Variants in SPPL3 observed in about 807,000 individuals in gnomAD.
The protein encoded by SPPL3 is signal peptide peptidase like 3.
Under a neutral mutation model 42.4 loss-of-function variants are expected in SPPL3, and 5 were observed. The observed-to-expected ratio is 0.12, with a 90% CI of 0.06 to 0.25. The LOEUF (loss-of-function observed/expected upper bound fraction) is 0.25. Among genes scored for constraint, SPPL3 ranks in the 10% least tolerant of loss-of-function variants. The probability of loss-of-function intolerance (pLI) is 1.00; values close to 1 mark genes in which losing one functional copy is unlikely to be tolerated. For missense variants in SPPL3, 235 were observed against 489.0 expected (o/e 0.48, Z 4.90); for synonymous variants, 195 against 181.8 (o/e 1.07, Z -0.58).
chr12:120,779,581 C>T (rs928428295), intron 6 of SPPL3, among the ~76,000 whole-genome samples: 1 of 152,172 alleles, frequency 6.6e-6, no homozygotes, highest in East Asian at 1.9e-4. Flanking sequence ...TGATAGTTCA[C>T]AACCCCTTTT....
At chr12:120,827,353 A>T (rs1566053337) in intron 1 of SPPL3, among the ~76,000 whole-genome samples, 1 of 144,638 alleles carries the variant, frequency 6.9e-6, no homozygotes, top group Admixed American at 6.9e-5. Flanking sequence ...TAATAATAAT[A>T]ATATAATAAT....
chr12:120,851,338 T>A (rs569439229), intron 1 of SPPL3, among the ~76,000 whole-genome samples: 15 of 152,268 alleles, frequency 9.9e-5, no homozygotes, highest in South Asian at 4.1e-4. Flanking sequence ...AGTTTTTTTT[T>A]AAAATCATAC....
intron 1 of SPPL3, among the ~76,000 whole-genome samples, chr12:120,827,099 CAG>C: frequency 6.6e-6 from 1 of 151,866 alleles, no homozygotes; most frequent in South Asian, 2.1e-4. Flanking sequence ...GTTTAAATCA[CAG>C]TATTTTGAAA....
At chr12:120,860,577 A>T (rs778755351) in intron 1 of SPPL3, among the ~76,000 whole-genome samples, 2 of 152,190 alleles carry the variant, frequency 1.3e-5, no homozygotes, top group Non-Finnish European at 2.9e-5. Flanking sequence ...GTAATTTTCC[A>T]TCTGTTGACT....
chr12:120,797,560 T>TATC (rs1247187040), intron 2 of SPPL3, among the ~76,000 whole-genome samples: 1 of 152,198 alleles, frequency 6.6e-6, no homozygotes, highest in Middle Eastern at 3.2e-3. Context: ...TCTGTTTCTC[T>TATC]ATCTTGGCTG....
intron 1 of SPPL3, among the ~76,000 whole-genome samples, chr12:120,891,512 A>C (rs1873639176): frequency 6.6e-6 from 1 of 152,204 alleles, no homozygotes; most frequent in Non-Finnish European, 1.5e-5. Flanking sequence ...AAGGAGAAAA[A>C]AACGGCAAAA....
chr12:120,866,061 A>C (rs1211885819), intron 1 of SPPL3, among the ~76,000 whole-genome samples: 4 of 152,206 alleles, frequency 2.6e-5, no homozygotes, highest in African/African-American at 7.2e-5. Context: ...GGGACTGCCT[A>C]GTTGCAGGAA....
intron 2 of SPPL3, among the ~76,000 whole-genome samples, chr12:120,804,500 G>C (rs1870425694): frequency 6.6e-6 from 1 of 152,118 alleles, no homozygotes; most frequent in South Asian, 2.1e-4. Context: ...CTCAACATCA[G>C]TAGGCATTAA....
chr12:120,765,539 A>C lies in SPPL3; in HGVS notation c.1084-469T>G, dbSNP rs149507805. On this transcript the variant is annotated intron_variant, in intron 10 of 10. Coordinates refer to ENST00000353487, the MANE Select transcript of SPPL3 (RefSeq NM_139015.5). Reference sequence around the variant, plus strand: ...TTAACCCGCCTGCCTCAGCCTCCCAAGGTGCGGGGGTTACAGGCGTGAGCC... The same window carrying C: ...TTAACCCGCCTGCCTCAGCCTCCCACGGTGCGGGGGTTACAGGCGTGAGCC... Among the ~76,000 whole-genome samples the C allele has an allele frequency of 3.4e-3, 518 of 152,220 alleles. 2 individuals carry two copies. The highest frequency in any genetic ancestry group is 0.012 in the African/African-American group (495 of 41,542).
intron 1 of SPPL3, among the ~76,000 whole-genome samples, chr12:120,827,371 T>C (rs1239878368): frequency 4.0e-5 from 6 of 148,462 alleles, no homozygotes; most frequent in Non-Finnish European, 8.9e-5. Context: ...AATATAATAA[T>C]AATAACAATA....
intron 1 of SPPL3, among the ~76,000 whole-genome samples, chr12:120,893,432 C>T (rs1328450178): frequency 6.6e-6 from 1 of 152,048 alleles, no homozygotes; most frequent in Non-Finnish European, 1.5e-5. Flanking sequence ...ATACAATTAT[C>T]TCCCTTATTT....
At chr12:120,869,488 A>G (rs1872857233) in intron 1 of SPPL3, among the ~76,000 whole-genome samples, 1 of 152,232 alleles carries the variant, frequency 6.6e-6, no homozygotes, top group South Asian at 2.1e-4. Flanking sequence ...CAAGACATCT[A>G]GCAGACCTAA....
At chr12:120,835,552 A>C (rs1871589669) in intron 1 of SPPL3, 1 of 152,260 alleles carries the variant, frequency 6.6e-6, no homozygotes, top group Admixed American at 6.5e-5. Flanking sequence ...AGTCAGAAAA[A>C]TCTTGAGAAA....
rs750643164 is a variant in SPPL3, at chr12:120,903,909, C to G, written c.-42G>C. On this transcript the variant is annotated 5_prime_UTR_variant, in exon 1 of 11. Transcript: ENST00000353487. The stretch of plus-strand genomic sequence containing the variant: ...GGCTCCGCTGCAGGCTGTGGCCGGG[C>G]CCGGCGGCGGCGGGCTCGCTCGGGC... The G allele has an allele frequency of 1.5e-6, 2 of 1,339,048 alleles. No individual in the cohort carries two copies. The highest frequency in any genetic ancestry group is 3.8e-5 in the Admixed American group (1 of 26,626). 82.9% of individuals were successfully genotyped at this position (1,339,048 alleles called of 1,614,324 possible).
chr12:120,808,357 A>G (rs2136999783), intron 2 of SPPL3, among the ~76,000 whole-genome samples: 1 of 152,214 alleles, frequency 6.6e-6, no homozygotes, highest in African/African-American at 2.4e-5. Context: ...ATTACAGGTG[A>G]GAGGGACCAT....
At chr12:120,844,526 G>GC (rs1368248874) in intron 1 of SPPL3, among the ~76,000 whole-genome samples, 1 of 151,968 alleles carries the variant, frequency 6.6e-6, no homozygotes, top group East Asian at 1.9e-4. Context: ...CCGACTGCCT[G>GC]CCCCCCACAC....
At position 120,840,178 on chromosome 12, in the gene SPPL3, T is replaced by C. The variant is rs535594883; in HGVS notation, c.24-29292A>G. Reference sequence around the variant, plus strand: ...CTGTAATCCCAGCTACTCAGGAGGCTGAAGCAGGAGAAATGCTTGAACCCG... The same window carrying C: ...CTGTAATCCCAGCTACTCAGGAGGCCGAAGCAGGAGAAATGCTTGAACCCG... On this transcript the variant is annotated intron_variant, in intron 1 of 10. Transcript: ENST00000353487. Among the ~76,000 whole-genome samples, 63 of 144,438 alleles carry C rather than the reference T, an allele frequency of 4.4e-4. 1 individual carries two copies. Among genetic ancestry groups the C allele is most frequent in the African/African-American group, 1.5e-3 (58 of 38,934 alleles). 94.8% of individuals were successfully genotyped at this position (144,438 alleles called of 152,430 possible).
rs777368454 is a variant in SPPL3 at position 120,860,970 on chromosome 12, CT to C, written c.23+42874del. Among the ~76,000 whole-genome samples the C allele has an allele frequency of 2.9e-4, 44 of 152,158 alleles. 1 individual carries two copies. Among genetic ancestry groups the C allele is most frequent in the Non-Finnish European group, 4.7e-4 (32 of 68,026 alleles). On this transcript the variant is annotated intron_variant, in intron 1 of 10. Transcript: ENST00000353487. ...CAACCTACACACATCCACCTGTATA[CT>C]TTTTTCCTCCTCCCATTTCAGGGCT...
At chr12:120,882,035 C>G (rs571337021) in intron 1 of SPPL3, among the ~76,000 whole-genome samples, 1 of 151,908 alleles carries the variant, frequency 6.6e-6, no homozygotes, top group Non-Finnish European at 1.5e-5. Context: ...AGAAAAAAGT[C>G]GTAAGTTTTA....
Sources: gnomAD v4.1 joint callset for allele counts (sites outside exome capture counted in the v4.1 genomes callset) on GRCh38, gnomAD v4.1.1 for gene constraint, MANE v1.5 for transcripts, NCBI Gene and HGNC (gene_info 2026-07-23, HGNC 2026-07-21) for gene names.